The following CDH4 variants were observed in gnomAD, a reference collection of about 807,000 sequenced individuals.
CDH4 encodes the protein cadherin-4.
CDH4 carries 33 observed loss-of-function variants against 86.0 expected under a neutral mutation model. That is an observed-to-expected ratio of 0.38 (90% CI 0.29 to 0.51). CDH4 has a LOEUF of 0.51. Among genes scored for constraint, CDH4 ranks in the 20% least tolerant of loss-of-function variants. CDH4 has a pLI of 0.86. For missense variants in CDH4, 1,114 were observed against 1,307.4 expected (o/e 0.85, Z 2.28); for synonymous variants, 555 against 549.4 (o/e 1.01, Z -0.14).
At chr20:61,736,806 G>T (rs928213112) in intron 2 of CDH4, among the ~76,000 whole-genome samples, 5 of 152,122 alleles carry the variant, frequency 3.3e-5, no homozygotes, top group African/African-American at 1.2e-4. Flanking sequence ...CACCCGGGGC[G>T]GGGGCCACAG....
intron 2 of CDH4, among the ~76,000 whole-genome samples, chr20:61,652,011 G>A (rs1041212286): frequency 2.6e-5 from 4 of 152,210 alleles, no homozygotes; most frequent in Non-Finnish European, 4.4e-5. Context: ...GGGTGGTGAA[G>A]AACAGTTTCT....
At chr20:61,266,852 C>T (rs2084160686) in intron 2 of CDH4, among the ~76,000 whole-genome samples, 1 of 152,104 alleles carries the variant, frequency 6.6e-6, no homozygotes, top group Admixed American at 6.5e-5. Flanking sequence ...CCAAATGTAA[C>T]ATTATTTGGA....
In CDH4 at chr20:61,933,186, T is replaced by G. The variant is rs939836355; in HGVS notation, c.2379+62T>G. 5.1e-6 allele frequency: 8 copies of G among 1,573,530 alleles called. No individual in the cohort carries two copies. The African/African-American group carries it at 9.4e-5, about 19-fold the overall frequency. ...GCCGGCTCTCACGTGTACTAGTGTCTCAGCAGGGATTGCCCTGGGGTTTAA... is the reference window on the plus strand; with the variant it reads ...GCCGGCTCTCACGTGTACTAGTGTCGCAGCAGGGATTGCCCTGGGGTTTAA... On this transcript the variant is annotated intron_variant, in intron 14 of 15. Coordinates refer to ENST00000614565, the MANE Select transcript of CDH4 (RefSeq NM_001794.5).
At chr20:61,415,856 T>A (rs971059574) in intron 2 of CDH4, among the ~76,000 whole-genome samples, 11 of 152,014 alleles carry the variant, frequency 7.2e-5, no homozygotes, top group African/African-American at 2.7e-4. Flanking sequence ...TGCGCCACCA[T>A]GCCTGGCTAC....
chr20:61,932,080 G>A (rs2055117677), intron 13 of CDH4, among the ~76,000 whole-genome samples: 1 of 152,090 alleles, frequency 6.6e-6, no homozygotes, highest in Non-Finnish European at 1.5e-5. Flanking sequence ...CTTTCAATAT[G>A]GGGGAGTCCA....
chr20:61,561,104 C>T (rs1247578718), intron 2 of CDH4, among the ~76,000 whole-genome samples: 1 of 152,248 alleles, frequency 6.6e-6, no homozygotes, highest in South Asian at 2.1e-4. Context: ...ACCATGCTTT[C>T]CACATAGCTG....
chr20:61,657,807 A>G (rs1003680797), intron 2 of CDH4, among the ~76,000 whole-genome samples: 4 of 152,266 alleles, frequency 2.6e-5, no homozygotes, highest in Admixed American at 6.5e-5. Flanking sequence ...CCAAAAATCA[A>G]TAGTGTTAAA....
intron 2 of CDH4, among the ~76,000 whole-genome samples, chr20:61,505,905 A>T (rs912329443): frequency 7.0e-6 from 1 of 143,148 alleles, no homozygotes; most frequent in Non-Finnish European, 1.6e-5. Context: ...AAAGTGGAAA[A>T]TCTCTATTGA....
intron 2 of CDH4, among the ~76,000 whole-genome samples, chr20:61,525,347 G>A (rs1193790879): frequency 1.3e-5 from 2 of 152,108 alleles, no homozygotes; most frequent in Non-Finnish European, 2.9e-5. Flanking sequence ...CACTTCCTTG[G>A]GTTTGCCCAG....
intron 2 of CDH4, among the ~76,000 whole-genome samples, chr20:61,605,619 C>T (rs901914021): frequency 6.6e-6 from 1 of 151,998 alleles, no homozygotes; most frequent in Non-Finnish European, 1.5e-5. Context: ...CTGTCTCTCT[C>T]TCTGTCTCCC....
At chr20:61,432,390 A>G (rs6089598) in intron 2 of CDH4, among the ~76,000 whole-genome samples, 4,330 of 152,302 alleles carry the variant, frequency 0.028, 96 homozygotes, top group Non-Finnish European at 0.043. Flanking sequence ...GGATACTGAC[A>G]ATATTAGGCA....
intron 2 of CDH4, among the ~76,000 whole-genome samples, chr20:61,418,284 C>A (rs965439794): frequency 4.0e-5 from 6 of 151,014 alleles, no homozygotes; most frequent in Non-Finnish European, 7.4e-5. Flanking sequence ...CATCTCGGCT[C>A]ACTGCAAGCT....
intron 2 of CDH4, among the ~76,000 whole-genome samples, chr20:61,427,059 G>A (rs941258352): frequency 2.6e-5 from 4 of 152,186 alleles, no homozygotes; most frequent in African/African-American, 9.6e-5. Flanking sequence ...AGACTAACTA[G>A]GGAGGAGAAA....
intron 2 of CDH4, among the ~76,000 whole-genome samples, chr20:61,303,984 G>C (rs2084399911): frequency 6.6e-6 from 1 of 152,154 alleles, no homozygotes; most frequent in Non-Finnish European, 1.5e-5. Flanking sequence ...TTCTTCTGAA[G>C]GTTAACACGG....
intron 4 of CDH4, among the ~76,000 whole-genome samples, chr20:61,785,108 G>T (rs570079144): frequency 6.6e-6 from 1 of 152,294 alleles, no homozygotes; most frequent in Non-Finnish European, 1.5e-5. Flanking sequence ...TGCCCAGCAT[G>T]TGGCTCTAGG....
chr20:61,625,025 A>C (rs2086817189), intron 2 of CDH4, among the ~76,000 whole-genome samples: 1 of 152,154 alleles, frequency 6.6e-6, no homozygotes, highest in South Asian at 2.1e-4. Flanking sequence ...CCCAGAACCC[A>C]AGTTGAGCAA....
At chr20:61,784,864 G>C (rs1323782422) in intron 4 of CDH4, among the ~76,000 whole-genome samples, 1 of 152,162 alleles carries the variant, frequency 6.6e-6, no homozygotes, top group Admixed American at 6.5e-5. Flanking sequence ...GATGGCGCGA[G>C]TTTCCCACGT....
chr20:61,814,842 A>G (rs559677256), intron 4 of CDH4, among the ~76,000 whole-genome samples: 1 of 152,278 alleles, frequency 6.6e-6, no homozygotes, highest in Non-Finnish European at 1.5e-5. Flanking sequence ...TAAGCCTCCC[A>G]GGGAAAGTCA....
chr20:61,638,333 T>G (rs1600829335), intron 2 of CDH4, among the ~76,000 whole-genome samples: 2 of 152,252 alleles, frequency 1.3e-5, no homozygotes, highest in East Asian at 3.9e-4. Context: ...AAATGAGATT[T>G]GTGTGGTGGC....
Sources: allele counts gnomAD v4.1 joint callset (sites outside exome capture counted in the v4.1 genomes callset), GRCh38; gene constraint gnomAD v4.1.1; transcripts MANE v1.5; gene names NCBI Gene and HGNC (gene_info 2026-07-23, HGNC 2026-07-21).